Variants in LRP1B observed in about 807,000 individuals in gnomAD.
LRP1B encodes the protein low-density lipoprotein receptor-related protein 1B.
A neutral mutation model predicts 556.6 loss-of-function variants in LRP1B; 217 were observed. That is an observed-to-expected ratio of 0.39 (90% CI 0.35 to 0.44). LRP1B has a LOEUF of 0.44. LRP1B is among the 20% of genes least tolerant of loss of function. The pLI is 1.00. For synonymous variants in LRP1B, 2,047 were observed against 1,865.8 expected, an observed-to-expected ratio of 1.10 and a Z score of -2.50; for missense variants, 5,053 against 5,620.8, an observed-to-expected ratio of 0.90 and a Z score of 3.23.
chr2:141,657,710 T>C (rs1189582045), intron 2 of LRP1B, among the ~76,000 whole-genome samples: 3 of 152,284 alleles, frequency 2.0e-5, no homozygotes. Flanking sequence ...TTGGTGAATG[T>C]AGGAATTATC....
intron 67 of LRP1B, among the ~76,000 whole-genome samples, chr2:140,380,077 T>C (rs528764461): frequency 1.3e-5 from 2 of 152,314 alleles, no homozygotes; most frequent in East Asian, 3.9e-4. Flanking sequence ...TGAAAAGTAC[T>C]TGAATTAACT....
intron 2 of LRP1B, among the ~76,000 whole-genome samples, chr2:141,809,487 A>T (rs187749812): frequency 1.1e-4 from 16 of 152,150 alleles, no homozygotes; most frequent in Admixed American, 8.5e-4. Context: ...AAATTCTAGA[A>T]ATATCACTAT....
chr2:141,775,285 T>A (rs997017246), intron 2 of LRP1B, among the ~76,000 whole-genome samples: 1 of 152,244 alleles, frequency 6.6e-6, no homozygotes, highest in Admixed American at 6.5e-5. Context: ...TTCACAGACA[T>A]GCAAATTAGC....
intron 3 of LRP1B, among the ~76,000 whole-genome samples, chr2:141,459,058 G>C (rs1256375223): frequency 1.3e-5 from 2 of 151,514 alleles, no homozygotes; most frequent in Non-Finnish European, 2.9e-5. Flanking sequence ...GTCAGTTTCT[G>C]ATCAATTAAA....
chr2:142,026,910 G>A (rs142708199), intron 1 of LRP1B, among the ~76,000 whole-genome samples: 1 of 152,030 alleles, frequency 6.6e-6, no homozygotes, highest in Non-Finnish European at 1.5e-5. Flanking sequence ...AAGAAGAATT[G>A]CCTTTCTCCT....
intron 3 of LRP1B, among the ~76,000 whole-genome samples, chr2:141,261,092 A>G (rs1684666960): frequency 6.6e-6 from 1 of 152,184 alleles, no homozygotes; most frequent in Admixed American, 6.5e-5. Flanking sequence ...AGCAGGACAT[A>G]TGCTTGACAT....
Position 141,154,921 on chromosome 2 carries a change from C to T in LRP1B, c.1013+33500G>A, listed in dbSNP as rs535696363. On this transcript the variant is annotated intron_variant, in intron 7 of 90. Coordinates refer to ENST00000389484, the MANE Select transcript of LRP1B (RefSeq NM_018557.3). ...TAATCAGGGAAAGAGTTCAGTATAG[C>T]CAGTGAAAAATATTTTCTAGGGCTC... Among the ~76,000 whole-genome samples the T allele has an allele frequency of 7.9e-5, 12 of 151,832 alleles. No individual in the cohort carries two copies. In the South Asian group the frequency reaches 1.9e-3, roughly 24 times the overall value.
At chr2:142,013,667 TTGG>T (rs1703027191) in intron 1 of LRP1B, among the ~76,000 whole-genome samples, 1 of 152,082 alleles carries the variant, frequency 6.6e-6, no homozygotes, top group Admixed American at 6.5e-5. Flanking sequence ...TAAATAAAAC[TTGG>T]TGAATGGAAC....
At position 140,823,224 on chromosome 2, in the gene LRP1B, G is replaced by GA. The variant is rs200982942; in HGVS notation, c.5210-9419dup. ...TATAGTGTTTTCTCCTCACATTCTG[G>GA]AAAAAAAAATAAAATGTATAATCTG... is the stretch of plus-strand genomic sequence containing the variant. On this transcript the variant is annotated intron_variant, in intron 31 of 90. Transcript: ENST00000389484. Among the ~76,000 whole-genome samples, 17 of 149,776 alleles carry GA rather than the reference G, an allele frequency of 1.1e-4. No homozygotes were observed. The South Asian group carries it at 1.7e-3, about 15-fold the overall frequency.
intron 86 of LRP1B, among the ~76,000 whole-genome samples, chr2:140,263,004 G>A (rs181293027): frequency 6.6e-6 from 1 of 152,224 alleles, no homozygotes; most frequent in Non-Finnish European, 1.5e-5. Flanking sequence ...GCTCACTGCA[G>A]CCTCAACTTC....
intron 10 of LRP1B, among the ~76,000 whole-genome samples, chr2:141,053,836 G>GTGTGTT (rs1699106689): frequency 6.6e-6 from 1 of 151,614 alleles, no homozygotes; most frequent in Non-Finnish European, 1.5e-5. Context: ...ATATGTGTGT[G>GTGTGTT]TGTGTGTGTG....
chr2:140,760,034 G>A (rs1387086495), intron 35 of LRP1B, among the ~76,000 whole-genome samples: 1 of 152,122 alleles, frequency 6.6e-6, no homozygotes, highest in Non-Finnish European at 1.5e-5. Flanking sequence ...AAGAATGGTT[G>A]GAAGAAGTTT....
In LRP1B at chr2:140,950,401, A is replaced by T. The variant is rs1695678235; in HGVS notation, c.2970T>A (p.Asp990Glu). ...CATCACTCCCGTCCCCACAGTCGTC[A>T]TCTGGAAAGAAACATCAACATGAGG... ...CISSKWHCDSDDDCGDGSDEV... is the reference protein window; with the variant it reads ...CISSKWHCDSEDDCGDGSDEV... The change falls in exon 20 of 91, where the codon GAT becomes GAA. Residue 990 changes from aspartate to glutamate, a missense_variant and splice_region_variant. Transcript: ENST00000389484. 2 of 1,592,608 alleles carry T rather than the reference A, an allele frequency of 1.3e-6. No individual in the cohort carries two copies. The highest frequency in any genetic ancestry group is 2.3e-5 in the East Asian group (1 of 44,252).
chr2:141,257,391 G>A (rs930650363), intron 3 of LRP1B, among the ~76,000 whole-genome samples: 1 of 152,170 alleles, frequency 6.6e-6, no homozygotes, highest in Non-Finnish European at 1.5e-5. Flanking sequence ...AATCCCTGGA[G>A]CCCAGCTGCA....
At chr2:140,413,688 C>G (rs140208871) in intron 66 of LRP1B, among the ~76,000 whole-genome samples, 2 of 152,144 alleles carry the variant, frequency 1.3e-5, no homozygotes, top group Admixed American at 6.5e-5. Flanking sequence ...ATCTAGCTAT[C>G]ATATCATTTG....
chr2:142,095,886 G>A (rs939921460), intron 1 of LRP1B, among the ~76,000 whole-genome samples: 1 of 151,622 alleles, frequency 6.6e-6, no homozygotes, highest in Non-Finnish European at 1.5e-5. Context: ...AAAAACAAAA[G>A]ACATTACTAT....
At chr2:142,114,620 A>G (rs1239332845) in intron 1 of LRP1B, among the ~76,000 whole-genome samples, 3 of 152,126 alleles carry the variant, frequency 2.0e-5, no homozygotes, top group African/African-American at 7.2e-5. Context: ...TTACAGCAAC[A>G]TAGATGGAAC....
chr2:140,540,585 T>C (rs1680096855), intron 45 of LRP1B, among the ~76,000 whole-genome samples: 2 of 152,116 alleles, frequency 1.3e-5, no homozygotes, highest in Non-Finnish European at 2.9e-5. Flanking sequence ...TGTGAGTGGT[T>C]TTACTGCAAG....
At chr2:141,709,092 T>C (rs1692257998) in intron 2 of LRP1B, among the ~76,000 whole-genome samples, 1 of 152,136 alleles carries the variant, frequency 6.6e-6, no homozygotes. Flanking sequence ...GGCTCGTGCT[T>C]GTAATCACAG....
Sources: gnomAD v4.1 joint callset for allele counts (sites outside exome capture counted in the v4.1 genomes callset) on GRCh38, gnomAD v4.1.1 for gene constraint, MANE v1.5 for transcripts, NCBI Gene and HGNC (gene_info 2026-07-23, HGNC 2026-07-21) for gene names.